Variants in GNA14 observed in about 807,000 individuals in gnomAD.
GNA14 encodes guanine nucleotide-binding protein subunit alpha-14.
In GNA14, 50 loss-of-function variants were observed where a neutral mutation model predicts 42.0. The observed-to-expected ratio is 1.19, with a 90% CI of 0.95 to 1.51. The LOEUF is 1.51. Ranked by LOEUF, GNA14 falls within the 40% of genes most tolerant of loss-of-function variation. The pLI is 0.00. For missense variants in GNA14, 473 were observed against 446.2 expected (o/e 1.06, Z -0.54); for synonymous variants, 173 against 163.1 (o/e 1.06, Z -0.46).
In GNA14 at chr9:77,458,167, G is replaced by T. The variant is rs549352202; in HGVS notation, c.310-23645C>A. ...ACCCCAGCCTTGCGCTTCTCAGAGCGTATGTCCTGTCTTTCCTCTAGATGG... is the reference window on the plus strand; with the variant it reads ...ACCCCAGCCTTGCGCTTCTCAGAGCTTATGTCCTGTCTTTCCTCTAGATGG... On this transcript the variant is annotated intron_variant, in intron 2 of 6. Transcript: ENST00000341700. Among the ~76,000 whole-genome samples, 110 of 152,304 alleles carry T rather than the reference G, an allele frequency of 7.2e-4. 4 individuals carry two copies. The South Asian group carries it at 0.022, about 30-fold the overall frequency.
chr9:77,519,864 G>A (rs1457050484), intron 2 of GNA14, among the ~76,000 whole-genome samples: 1 of 152,046 alleles, frequency 6.6e-6, no homozygotes, highest in Non-Finnish European at 1.5e-5. Context: ...ACAAAAATTA[G>A]CCAGGCATGG....
chr9:77,532,665 G>A (rs921609569), intron 1 of GNA14, among the ~76,000 whole-genome samples: 5 of 152,148 alleles, frequency 3.3e-5, no homozygotes, highest in African/African-American at 9.7e-5. Flanking sequence ...TGGAGGACTC[G>A]GTGACTTAGA....
chr9:77,528,961 C>G (rs1587818712), intron 2 of GNA14, 108 bp downstream of exon 2: 1 of 930,250 alleles, frequency 1.1e-6, no homozygotes, highest in East Asian at 2.4e-5. Context: ...CCCCAGGGAA[C>G]AAGAGCTTCT....
chr9:77,612,096 A>T (rs2117947276), intron 1 of GNA14, among the ~76,000 whole-genome samples: 1 of 152,316 alleles, frequency 6.6e-6, no homozygotes, highest in African/African-American at 2.4e-5. Context: ...TAGGCTAAAG[A>T]TCTACATCTA....
chr9:77,429,568 C>G (rs1564011240), intron 4 of GNA14, among the ~76,000 whole-genome samples: 2 of 151,824 alleles, frequency 1.3e-5, no homozygotes, highest in African/African-American at 4.8e-5. Flanking sequence ...TCCAAAGCCT[C>G]TATATCTGTG....
At chr9:77,445,552 G>GAAAAAA (rs762651584) in intron 2 of GNA14, among the ~76,000 whole-genome samples, 10 of 55,884 alleles carry the variant, frequency 1.8e-4, no homozygotes, top group East Asian at 4.5e-4. Context: ...TCTCTAAGAA[G>GAAAAAA]AAAAAAAAAA....
chr9:77,581,316 T>C (rs563293946), intron 1 of GNA14, among the ~76,000 whole-genome samples: 10 of 152,310 alleles, frequency 6.6e-5, no homozygotes, highest in Admixed American at 2.0e-4. Flanking sequence ...AGCTAACAGG[T>C]TGACAGCATA....
intron 2 of GNA14, among the ~76,000 whole-genome samples, chr9:77,460,723 C>T (rs3780291): frequency 0.57 from 86,644 of 151,972 alleles, 25,932 homozygotes; most frequent in African/African-American, 0.75. Context: ...TTTAGCCAGA[C>T]CTGCCCCCTG....
Position 77,529,239 on chromosome 9 carries a change from C to A in GNA14, c.139G>T (p.Gly47Trp), listed in dbSNP as rs542232111. 2 of 1,613,840 alleles carry A rather than the reference C, an allele frequency of 1.2e-6. No homozygotes were observed. Among genetic ancestry groups the A allele is most frequent in the African/African-American group, 2.7e-5 (2 of 75,016 alleles). Residue 47 changes from glycine (G) to tryptophan (W), a missense_variant, in exon 2 of 7, where the codon GGG (glycine) becomes TGG (tryptophan). Coordinates refer to ENST00000341700, the MANE Select transcript of GNA14 (RefSeq NM_004297.4). ...KLLLLGTGES[G>W]KSTFIKQMRI... ...ATCTGCTTGATAAAGGTGCTTTTCC[C>A]ACTTTCACCAGTTCCTATAAGACAA...
At chr9:77,589,428 G>T (rs1587840200) in intron 1 of GNA14, among the ~76,000 whole-genome samples, 1 of 152,160 alleles carries the variant, frequency 6.6e-6, no homozygotes, top group East Asian at 1.9e-4. Context: ...TTTGTTTTTG[G>T]AAGTCATGGT....
chr9:77,494,893 G>A (rs1350725930), intron 2 of GNA14, among the ~76,000 whole-genome samples: 1 of 152,128 alleles, frequency 6.6e-6, no homozygotes, highest in Non-Finnish European at 1.5e-5. Context: ...TCTGTCTCCA[G>A]GGTTCAAGTG....
chr9:77,482,725 C>A (rs1436245179), intron 2 of GNA14, among the ~76,000 whole-genome samples: 1 of 152,172 alleles, frequency 6.6e-6, no homozygotes, highest in African/African-American at 2.4e-5. Flanking sequence ...TTCACATAGT[C>A]CCATATTTCT....
chr9:77,517,839 A>T (rs934719342), intron 2 of GNA14, among the ~76,000 whole-genome samples: 5 of 151,746 alleles, frequency 3.3e-5, no homozygotes, highest in African/African-American at 1.2e-4. Context: ...TCCTGGGCTG[A>T]AGCAATCCAC....
chr9:77,581,290 A>G (rs1587837436), intron 1 of GNA14, among the ~76,000 whole-genome samples: 2 of 152,200 alleles, frequency 1.3e-5, no homozygotes, highest in Admixed American at 6.5e-5. Flanking sequence ...GTTTGGAATC[A>G]GTTCTTTTCA....
At chr9:77,485,819 C>G (rs1354912528) in intron 2 of GNA14, among the ~76,000 whole-genome samples, 1 of 152,126 alleles carries the variant, frequency 6.6e-6, no homozygotes, top group Non-Finnish European at 1.5e-5. Flanking sequence ...CAGTAGGTCT[C>G]CACAGTAGGC....
chr9:77,507,778 T>C (rs1436434161), intron 2 of GNA14, among the ~76,000 whole-genome samples: 1 of 152,064 alleles, frequency 6.6e-6, no homozygotes, highest in African/African-American at 2.4e-5. Context: ...AGTGGTGCAA[T>C]CTTGGCTCAC....
intron 1 of GNA14, among the ~76,000 whole-genome samples, chr9:77,579,524 G>A (rs1281977459): frequency 1.3e-5 from 2 of 152,158 alleles, no homozygotes; most frequent in East Asian, 3.9e-4. Flanking sequence ...ATAAAGTGAT[G>A]TTAACTTTGC....
chr9:77,486,685 C>G (rs565867777), intron 2 of GNA14, among the ~76,000 whole-genome samples: 1 of 152,120 alleles, frequency 6.6e-6, no homozygotes, highest in African/African-American at 2.4e-5. Context: ...GGCCTAATTT[C>G]AATACTACTG....
At chr9:77,634,207 A>T (rs1824141780) in intron 1 of GNA14, among the ~76,000 whole-genome samples, 2 of 151,942 alleles carry the variant, frequency 1.3e-5, no homozygotes, top group African/African-American at 4.8e-5. Context: ...ATTGCTTGAG[A>T]GCAGGAGTTC....
Sources: allele counts gnomAD v4.1 joint callset (sites outside exome capture counted in the v4.1 genomes callset), GRCh38; gene constraint gnomAD v4.1.1; transcripts MANE v1.5; gene names NCBI Gene and HGNC (gene_info 2026-07-23, HGNC 2026-07-21).